The following DOCK2 variants were observed in gnomAD, a reference collection of about 807,000 sequenced individuals.
DOCK2 encodes dedicator of cytokinesis protein 2.
A neutral mutation model predicts 248.9 loss-of-function variants in DOCK2; 87 were observed. The observed-to-expected ratio is 0.35, with a 90% CI of 0.29 to 0.42. The LOEUF is 0.42. DOCK2 is among the 10% of genes least tolerant of loss of function. The probability of loss-of-function intolerance (pLI) is 1.00; values close to 1 mark genes in which losing one functional copy is unlikely to be tolerated. For missense variants in DOCK2, 1,747 were observed against 2,300.2 expected (o/e 0.76, Z 4.92); for synonymous variants, 805 against 821.6 (o/e 0.98, Z 0.35).
intron 28 of DOCK2, among the ~76,000 whole-genome samples, chr5:169,985,192 C>T (rs1581505468): frequency 2.0e-5 from 3 of 152,116 alleles, no homozygotes; most frequent in Admixed American, 6.5e-5. Flanking sequence ...TGGGAGCCAC[C>T]GTGCCTGGCC....
At chr5:170,066,040 C>A (rs1479559312) in intron 44 of DOCK2, among the ~76,000 whole-genome samples, 4 of 151,620 alleles carry the variant, frequency 2.6e-5, no homozygotes, top group African/African-American at 9.7e-5. Context: ...CAAGCTCCGC[C>A]TCCTGGGCTC....
chr5:169,968,156 T>G (rs571725962), intron 27 of DOCK2, among the ~76,000 whole-genome samples: 1 of 152,314 alleles, frequency 6.6e-6, no homozygotes, highest in South Asian at 2.1e-4. Context: ...TGTAATCTCA[T>G]GAGAAATGGC....
intron 27 of DOCK2, among the ~76,000 whole-genome samples, chr5:169,851,124 C>T (rs1770598756): frequency 6.6e-6 from 1 of 152,144 alleles, no homozygotes; most frequent in South Asian, 2.1e-4. Context: ...GTAGCAGGCA[C>T]TCAATTCAAG....
chr5:169,732,043 C>A lies in DOCK2; in HGVS notation c.2267+13252C>A, dbSNP rs921962274. 2.6e-5 allele frequency among the ~76,000 whole-genome samples: 4 copies of A among 152,112 alleles called. No homozygotes were observed. The South Asian group carries it at 8.3e-4, about 32-fold the overall frequency. On this transcript the variant is annotated intron_variant, in intron 22 of 51. Coordinates refer to ENST00000520908, the MANE Select transcript of DOCK2 (RefSeq NM_004946.3). ...CTGAGGCAGGAGAATCACTTCAACC[C>A]GGGAGGCAGAAGTTGCAGTGAGCCG...
At chr5:169,740,213 G>A (rs75229328) in intron 22 of DOCK2, among the ~76,000 whole-genome samples, 1 of 151,984 alleles carries the variant, frequency 6.6e-6, no homozygotes, top group East Asian at 1.9e-4. Context: ...TTATTACACA[G>A]GGTTGCCATA....
intron 27 of DOCK2, chr5:169,875,256 TC>T (rs2113475806): frequency 2.2e-6 from 1 of 456,702 alleles, no homozygotes; most frequent in East Asian, 6.9e-5. Context: ...ATTCCCATCC[TC>T]CACCCCACAC....
intron 25 of DOCK2, among the ~76,000 whole-genome samples, chr5:169,769,548 A>C (rs1413511998): frequency 6.6e-6 from 1 of 152,222 alleles, no homozygotes; most frequent in Non-Finnish European, 1.5e-5. Context: ...TGATTCCCAA[A>C]GGGGGCAAAA....
intron 27 of DOCK2, among the ~76,000 whole-genome samples, chr5:169,889,057 A>T (rs539487824): frequency 6.6e-6 from 1 of 152,154 alleles, no homozygotes; most frequent in African/African-American, 2.4e-5. Flanking sequence ...ACATGTGGTA[A>T]TGGTCTACTC....
chr5:169,654,630 A>G, intron 2 of DOCK2, 144 bp downstream of exon 2: 2 of 757,376 alleles, frequency 2.6e-6, no homozygotes, highest in East Asian at 5.6e-5. Context: ...ATTAGAATTT[A>G]CTAAACAGAA....
intron 27 of DOCK2, among the ~76,000 whole-genome samples, chr5:169,898,866 A>G (rs924684426): frequency 6.6e-6 from 1 of 152,188 alleles, no homozygotes; most frequent in Admixed American, 6.5e-5. Flanking sequence ...GCCGTTGTGT[A>G]AAGCAGCAAG....
At chr5:169,820,339 C>T (rs537595817) in intron 26 of DOCK2, among the ~76,000 whole-genome samples, 1 of 152,318 alleles carries the variant, frequency 6.6e-6, no homozygotes, top group East Asian at 1.9e-4. Context: ...GGGTCCCTGA[C>T]CCCCAAGTAG....
intron 1 of DOCK2, among the ~76,000 whole-genome samples, chr5:169,648,012 T>C (rs1171562453): frequency 6.6e-6 from 1 of 152,122 alleles, no homozygotes; most frequent in Non-Finnish European, 1.5e-5. Flanking sequence ...ATTTGATTGA[T>C]TTCACCATAA....
intron 45 of DOCK2, 131 bp from the exon 46 acceptor site, chr5:170,069,006 T>A: frequency 1.3e-6 from 1 of 740,852 alleles, no homozygotes; most frequent in South Asian, 1.7e-5. Context: ...GACCTGTTAC[T>A]CTTGTTCCAT....
intron 27 of DOCK2, among the ~76,000 whole-genome samples, chr5:169,917,874 C>T (rs950156332): frequency 5.9e-5 from 9 of 152,176 alleles, no homozygotes; most frequent in Non-Finnish European, 1.2e-4. Context: ...ACTGGTATTT[C>T]ATTCTGGAAA....
chr5:169,891,491 T>G (rs922414238), intron 27 of DOCK2, among the ~76,000 whole-genome samples: 2 of 152,168 alleles, frequency 1.3e-5, no homozygotes, highest in Non-Finnish European at 2.9e-5. Flanking sequence ...CCCTTAGCAG[T>G]AAAATCAGCT....
intron 38 of DOCK2, 61 bp downstream of exon 38, chr5:170,042,193 C>A: frequency 6.6e-7 from 1 of 1,516,770 alleles, no homozygotes; most frequent in Non-Finnish European, 8.9e-7. Context: ...GGTTCTCTCC[C>A]ATACCTTACA....
intron 2 of DOCK2, among the ~76,000 whole-genome samples, chr5:169,660,419 G>T (rs182905338): frequency 1.3e-5 from 2 of 152,116 alleles, no homozygotes; most frequent in African/African-American, 2.4e-5. Context: ...AAAAAATAGC[G>T]CATTGCTTTT....
chr5:169,804,275 T>A (rs1767172145), intron 26 of DOCK2, among the ~76,000 whole-genome samples: 1 of 152,250 alleles, frequency 6.6e-6, no homozygotes. Context: ...AAGCCGCTTC[T>A]TGTCTTATTA....
At chr5:169,638,241 AT>A (rs1194052698) in intron 1 of DOCK2, among the ~76,000 whole-genome samples, 1 of 152,168 alleles carries the variant, frequency 6.6e-6, no homozygotes. Flanking sequence ...ACCCAGAGGG[AT>A]TTGATGCAGG....
Sources: allele counts gnomAD v4.1 joint callset (sites outside exome capture counted in the v4.1 genomes callset), GRCh38; gene constraint gnomAD v4.1.1; transcripts MANE v1.5; gene names NCBI Gene and HGNC (gene_info 2026-07-23, HGNC 2026-07-21).